The following TTLL8 variants were observed in gnomAD, a reference collection of about 807,000 sequenced individuals.
TTLL8 encodes tubulin tyrosine ligase like 8.
TTLL8 carries 65 observed loss-of-function variants against 77.8 expected under a neutral mutation model. The ratio of observed to expected loss-of-function variants is 0.84; its 90% CI spans 0.68 to 1.03. TTLL8 has a LOEUF of 1.03. Ranked by LOEUF, TTLL8 falls within the 50% of genes least tolerant of loss-of-function variation. The probability of loss-of-function intolerance (pLI) is 0.00; values close to 1 mark genes in which losing one functional copy is unlikely to be tolerated. For missense variants in TTLL8, 910 were observed against 1,004.5 expected (o/e 0.91, Z 1.27); for synonymous variants, 402 against 422.8 (o/e 0.95, Z 0.60).
Position 50,045,390 on chromosome 22 carries a change from C to A in TTLL8, c.509-1G>T. ...GATGCCATGGTGCGCCGGAAGTCTT[C>A]TGAAAGGACAGCACAGCCTCGCCCT... On this transcript the variant is annotated splice_acceptor_variant, in intron 5 of 13. Transcript: ENST00000266182. LOFTEE classifies it high-confidence loss of function. 7.3e-7 allele frequency: 1 copy of A among 1,365,434 alleles called. No homozygotes were observed. 84.6% of individuals were successfully genotyped at this position (1,365,434 alleles called of 1,614,324 possible).
chr22:50,035,007 C>T (rs76728782), intron 8 of TTLL8, among the ~76,000 whole-genome samples: 24 of 152,304 alleles, frequency 1.6e-4, no homozygotes, highest in Non-Finnish European at 8.8e-5. Flanking sequence ...TTTGCAGTCA[C>T]GGGCTAGACT....
upstream of TTLL8, among the ~76,000 whole-genome samples, chr22:50,056,333 G>A (rs989318075): frequency 6.6e-6 from 1 of 150,950 alleles, no homozygotes; most frequent in African/African-American, 2.4e-5. The surrounding 1 kb of genome is among the most constrained non-coding windows in gnomAD (Gnocchi z 4.1). Flanking sequence ...GAGCTGTCTG[G>A]AAATGCAAAT....
Position 50,041,086 on chromosome 22 carries a change from G to C in TTLL8, c.921+101C>G, listed in dbSNP as rs73893119. ...CTCGGCACACCTCTGCCAGTCACTC[G>C]CCAGCTGCCAGGAGCTCTGGGCCCA... On this transcript the variant is annotated intron_variant, in intron 8 of 13. Coordinates refer to ENST00000266182, the Ensembl canonical transcript of TTLL8. This position sits in a 1 kb window ranked among gnomAD's most constrained non-coding sequence, Gnocchi z 4.3. The C allele has an allele frequency of 2.9e-6, 1 of 346,530 alleles. No individual in the cohort carries two copies. Among genetic ancestry groups the C allele is most frequent in the Non-Finnish European group, 5.7e-6 (1 of 174,986 alleles). 21.5% of individuals were successfully genotyped at this position (346,530 alleles called of 1,614,324 possible).
intron 12 of TTLL8, among the ~76,000 whole-genome samples, chr22:50,021,579 C>T (rs1250752012): frequency 6.7e-6 from 1 of 149,394 alleles, no homozygotes; most frequent in Non-Finnish European, 1.5e-5. Context: ...TGTACTCCTC[C>T]ATCTGATGTG....
chr22:50,030,504 G>A, exon 12 of TTLL8: 3 of 1,338,082 alleles, frequency 2.2e-6, no homozygotes, highest in South Asian at 2.4e-5. Flanking sequence ...CAGCGGGTGC[G>A]CATTTAGCTG....
At chr22:50,055,197 G>A, upstream of TTLL8, 2 of 1,277,960 alleles carry the variant, frequency 1.6e-6, no homozygotes, top group South Asian at 1.3e-5. Flanking sequence ...TTTTAAAAAA[G>A]TGTCCCCCTC....
intron 1 of TTLL8, among the ~76,000 whole-genome samples, chr22:50,052,251 T>C (rs1305334172): frequency 6.6e-6 from 1 of 152,194 alleles, no homozygotes; most frequent in Non-Finnish European, 1.5e-5. Flanking sequence ...GCAAGAGGGC[T>C]GGCACCCTCC....
At chr22:50,050,812 T>A (rs2061440169) in intron 1 of TTLL8, among the ~76,000 whole-genome samples, 1 of 152,206 alleles carries the variant, frequency 6.6e-6, no homozygotes, top group Admixed American at 6.5e-5. Flanking sequence ...CCAGTCACGT[T>A]TCCCATGCTT....
intron 12 of TTLL8, among the ~76,000 whole-genome samples, chr22:50,029,599 C>T (rs889806135): frequency 1.2e-4 from 18 of 152,274 alleles, no homozygotes; most frequent in Admixed American, 4.6e-4. Flanking sequence ...GGCGCGGTGG[C>T]GGGCGCCTGT....
Position 50,034,547 on chromosome 22 carries a change from T to G in TTLL8, c.922-85A>C. On this transcript the variant is annotated intron_variant, in intron 8 of 13. Transcript: ENST00000266182. The surrounding 1 kb of genome is among the most constrained non-coding windows in gnomAD (Gnocchi z 4.1). The stretch of plus-strand genomic sequence containing the variant: ...AGAAAGTGCATGAGACTTGGAGGCC[T>G]GGGCCCCGCCTCACCCACCAAGCAG... 7.9e-7 allele frequency: 1 copy of G among 1,269,154 alleles called. No individual in the cohort carries two copies. The highest frequency in any genetic ancestry group is 1.5e-5 in the African/African-American group (1 of 65,788). The allele number at this position is 1,269,154 out of a possible 1,614,324, so 78.6% of individuals were successfully genotyped here.
At chr22:50,053,065 T>C (rs1404892902) in intron 1 of TTLL8, among the ~76,000 whole-genome samples, 1 of 151,918 alleles carries the variant, frequency 6.6e-6, no homozygotes, top group Non-Finnish European at 1.5e-5. Flanking sequence ...CTACTAAAAA[T>C]ACAAAAATTA....
intron 1 of TTLL8, among the ~76,000 whole-genome samples, chr22:50,054,072 G>A (rs1015048042): frequency 1.1e-4 from 17 of 152,154 alleles, no homozygotes; most frequent in African/African-American, 3.9e-4. Context: ...ACCATGCCGT[G>A]CACCTGCAGT....
chr22:50,049,073 A>C, intron 3 of TTLL8, 176 bp downstream of exon 5: 12 of 885,258 alleles, frequency 1.4e-5, no homozygotes, highest in Non-Finnish European at 1.6e-5. Context: ...GGCTCGCCCC[A>C]CCCCTGGGGG....
intron 4 of TTLL8, 33 bp from the exon 7 acceptor site, chr22:50,046,003 G>GCAGCT: frequency 2.3e-6 from 3 of 1,319,012 alleles, no homozygotes; most frequent in Non-Finnish European, 3.0e-6. Flanking sequence ...GGCAGGAGGG[G>GCAGCT]CAGCTCAGCT....
chr22:50,037,491 C>G (rs573816983), intron 8 of TTLL8, among the ~76,000 whole-genome samples: 1 of 152,216 alleles, frequency 6.6e-6, no homozygotes, highest in African/African-American at 2.4e-5. Context: ...TGAGCCACCA[C>G]GCCCGGCCCA....
Position 50,034,442 on chromosome 22 carries a change from T to A in TTLL8, c.942A>T (p.Arg314Ser). 9 of 1,367,282 alleles carry A rather than the reference T, an allele frequency of 6.6e-6. No individual in the cohort carries two copies. The highest frequency in any genetic ancestry group is 8.8e-6 in the Non-Finnish European group (9 of 1,021,830). 84.7% of individuals were successfully genotyped at this position (1,367,282 alleles called of 1,614,324 possible). Residue 314 changes from arginine to serine, a missense_variant, in exon 9 of 14, where the codon AGA becomes AGT. By Grantham distance (110) the Arg-to-Ser change is moderately radical. Coordinates refer to ENST00000266182, the Ensembl canonical transcript of TTLL8. The surrounding 1 kb of genome is among the most constrained non-coding windows in gnomAD (Gnocchi z 4.1). ...CCGTCTGAGGGTTCACAGACGTGATTCTATTCAGCAGAGCCTGGCACTGCG... is the reference window on the plus strand; with the variant it reads ...CCGTCTGAGGGTTCACAGACGTGATACTATTCAGCAGAGCCTGGCACTGCG...
At chr22:50,028,633 C>A (rs1215807366) in intron 12 of TTLL8, among the ~76,000 whole-genome samples, 4 of 102,932 alleles carry the variant, frequency 3.9e-5, no homozygotes, top group Non-Finnish European at 6.8e-5. Flanking sequence ...CCCCCACATA[C>A]CCTCGTAAAG....
chr22:50,050,050 C>T, intron 2 of TTLL8, 59 bp downstream of exon 4: 1 of 1,343,098 alleles, frequency 7.4e-7, no homozygotes, highest in Non-Finnish European at 9.9e-7. Flanking sequence ...GCGCCGACTC[C>T]TCCTGCCCGT....
intron 12 of TTLL8, among the ~76,000 whole-genome samples, chr22:50,020,982 A>G (rs1601902136): frequency 7.1e-6 from 1 of 141,454 alleles, no homozygotes; most frequent in Non-Finnish European, 1.5e-5. Context: ...CCTCCATCTG[A>G]CGTGCATTCC....
Sources: gnomAD v4.1 joint callset for allele counts (sites outside exome capture counted in the v4.1 genomes callset) on GRCh38, gnomAD v4.1.1 for gene constraint, Gnocchi (gnomAD v3.1) non-coding constraint, MANE v1.5 for transcripts, NCBI Gene and HGNC (gene_info 2026-07-23, HGNC 2026-07-21) for gene names.